COL19A1: variants seen among roughly 807,000 people sequenced by gnomAD.
The protein encoded by COL19A1 is collagen alpha-1(XIX) chain.
In COL19A1, 159 loss-of-function variants were observed where a neutral mutation model predicts 190.2. The ratio of observed to expected loss-of-function variants is 0.84; its 90% CI spans 0.73 to 0.95. COL19A1 has a LOEUF of 0.95. Ranked by LOEUF, COL19A1 falls within the 40% of genes least tolerant of loss-of-function variation. COL19A1 has a pLI of 0.00. For synonymous variants in COL19A1, 509 were observed against 458.9 expected, an observed-to-expected ratio of 1.11 and a Z score of -1.39; for missense variants, 1,418 against 1,431.9, an observed-to-expected ratio of 0.99 and a Z score of 0.16.
intron 19 of COL19A1, among the ~76,000 whole-genome samples, 191 bp from the exon 20 acceptor site, chr6:70,140,763 A>G (rs1243103037): frequency 6.6e-6 from 1 of 152,144 alleles, no homozygotes; most frequent in Non-Finnish European, 1.5e-5. Flanking sequence ...TTGGGAATAT[A>G]AAGGAGTTTT....
chr6:70,075,317 C>T (rs1024919882), intron 15 of COL19A1, among the ~76,000 whole-genome samples: 1 of 152,162 alleles, frequency 6.6e-6, no homozygotes, highest in African/African-American at 2.4e-5. Context: ...AGCAAATCTG[C>T]ATTTATCCCT....
At chr6:69,884,522 G>A (rs2502562) in intron 2 of COL19A1, among the ~76,000 whole-genome samples, 15,709 of 152,106 alleles carry the variant, frequency 0.1, 882 homozygotes, top group Middle Eastern at 0.14. Context: ...TAAAACTGAG[G>A]GTGGGAGCAT....
intron 16 of COL19A1, among the ~76,000 whole-genome samples, chr6:70,110,681 G>A (rs765009456): frequency 9.9e-5 from 15 of 152,072 alleles, no homozygotes; most frequent in Non-Finnish European, 1.8e-4. Context: ...TGGCTCTCAG[G>A]TTTTATTTTC....
At chr6:69,928,068 C>T in intron 5 of COL19A1, 36 bp downstream of exon 5, 2 of 1,595,288 alleles carry the variant, frequency 1.3e-6, no homozygotes, top group African/African-American at 1.3e-5. Flanking sequence ...ATTAGTTTTC[C>T]TTGTGTAATT....
At chr6:69,986,252 T>TCC (rs1776311687) in intron 11 of COL19A1, among the ~76,000 whole-genome samples, 1 of 114,668 alleles carries the variant, frequency 8.7e-6, no homozygotes, top group African/African-American at 3.8e-5. Flanking sequence ...TATATATATA[T>TCC]ACACACACAC....
intron 11 of COL19A1, among the ~76,000 whole-genome samples, chr6:70,017,424 A>T (rs1369711627): frequency 6.6e-6 from 1 of 152,114 alleles, no homozygotes; most frequent in Non-Finnish European, 1.5e-5. Context: ...AGACCTATAT[A>T]AATTTACTAA....
chr6:69,918,921 T>C (rs1490774529), intron 4 of COL19A1, among the ~76,000 whole-genome samples: 4 of 152,164 alleles, frequency 2.6e-5, no homozygotes, highest in Non-Finnish European at 4.4e-5. Context: ...ATTTCAGTTA[T>C]TTAATTACAA....
chr6:69,939,256 C>A lies in COL19A1; in HGVS notation c.936+1156C>A, dbSNP rs1030830143. ...AAAATTCAAAATAATTGAACAATAT[C>A]TGATTCTAAAGACCACTTCAATCAA... On this transcript the variant is annotated intron_variant, in intron 9 of 50. Transcript: ENST00000620364. 2.0e-5 allele frequency among the ~76,000 whole-genome samples: 3 copies of A among 152,098 alleles called. No individual in the cohort carries two copies. In the East Asian group the frequency reaches 5.8e-4, roughly 29 times the overall value.
At chr6:69,998,519 A>G (rs1206326793) in intron 11 of COL19A1, among the ~76,000 whole-genome samples, 1 of 151,606 alleles carries the variant, frequency 6.6e-6, no homozygotes, top group South Asian at 2.1e-4. Flanking sequence ...GATGGTGCAT[A>G]CCTGTAATCC....
In COL19A1 at chr6:70,110,183, C is replaced by T. The variant is rs192226823; in HGVS notation, c.1278+7961C>T. ...ATTTGATCACTTGTTAAAATACCCTCAGAATACCTTGAATGTGACTACATG... is the reference window on the plus strand; with the variant it reads ...ATTTGATCACTTGTTAAAATACCCTTAGAATACCTTGAATGTGACTACATG... On this transcript the variant is annotated intron_variant, in intron 16 of 50. Transcript: ENST00000620364. 7.0e-3 allele frequency among the ~76,000 whole-genome samples: 1,073 copies of T among 152,282 alleles called. 10 individuals are homozygous for T. The highest frequency in any genetic ancestry group is 8.7e-3 in the Non-Finnish European group (593 of 68,008).
chr6:69,898,946 A>G lies in COL19A1; in HGVS notation c.92-2A>G. The stretch of plus-strand genomic sequence containing the variant: ...CTCTATGCTTTTTTTCTTTTTAAAT[A>G]GAAGAGTCATGCCCTATCCTGAGAA... On this transcript the variant is annotated splice_acceptor_variant, in intron 2 of 50. Transcript: ENST00000620364. LOFTEE classifies it high-confidence loss of function. 2 of 1,592,662 alleles carry G rather than the reference A, an allele frequency of 1.3e-6. No individual in the cohort carries two copies. The highest frequency in any genetic ancestry group is 1.7e-6 in the Non-Finnish European group (2 of 1,163,918).
intron 4 of COL19A1, among the ~76,000 whole-genome samples, 181 bp downstream of exon 4, chr6:69,900,519 G>A (rs1042631320): frequency 2.6e-5 from 4 of 151,990 alleles, no homozygotes; most frequent in African/African-American, 9.7e-5. Flanking sequence ...TCTAATCTTG[G>A]CTCTACAGTG....
At position 69,929,506 on chromosome 6, in the gene COL19A1, T is replaced by G; in HGVS notation, c.472T>G (p.Phe158Val). The G allele has an allele frequency of 6.2e-7, 1 of 1,614,074 alleles. No individual in the cohort carries two copies. Among genetic ancestry groups the G allele is most frequent in the Non-Finnish European group, 8.5e-7 (1 of 1,179,978 alleles). Residue 158 changes from phenylalanine to valine, a missense_variant, in exon 6 of 51, where the codon TTT becomes GTT. By Grantham distance (50) the Phe-to-Val change is conservative. Transcript: ENST00000620364. Reference sequence around the variant, plus strand: ...AGAGGGAGATGTGTTGAACTACATTTTTAGAAATCGAGAACTCCGTCCTTT... The same window carrying G: ...AGAGGGAGATGTGTTGAACTACATTGTTAGAAATCGAGAACTCCGTCCTTT... ...ATEGDVLNYI[F>V]RNRELRPLFD...
intron 49 of COL19A1, among the ~76,000 whole-genome samples, chr6:70,200,548 C>T (rs1463526117): frequency 1.3e-5 from 2 of 152,076 alleles, no homozygotes; most frequent in Admixed American, 6.5e-5. Flanking sequence ...ATCTCAGGTT[C>T]CTTCCTTGAA....
At chr6:69,986,221 T>TTA (rs57648174) in intron 11 of COL19A1, among the ~76,000 whole-genome samples, 5,442 of 138,078 alleles carry the variant, frequency 0.039, 100 homozygotes, top group Non-Finnish European at 0.054. Flanking sequence ...CTTACACGTT[T>TTA]TATATATATA....
At chr6:69,882,055 G>C (rs1768595120) in intron 2 of COL19A1, among the ~76,000 whole-genome samples, 1 of 152,136 alleles carries the variant, frequency 6.6e-6, no homozygotes, top group Non-Finnish European at 1.5e-5. Flanking sequence ...ACAAATCTGA[G>C]AGAGAGTCTA....
intron 1 of COL19A1, among the ~76,000 whole-genome samples, chr6:69,874,628 G>A (rs889946591): frequency 6.6e-5 from 10 of 152,148 alleles, no homozygotes; most frequent in African/African-American, 2.4e-4. Flanking sequence ...GTGGGTGCCT[G>A]TAGTCCCAGC....
chr6:70,032,626 G>A (rs1387159683), intron 12 of COL19A1, among the ~76,000 whole-genome samples: 1 of 151,976 alleles, frequency 6.6e-6, no homozygotes, highest in Non-Finnish European at 1.5e-5. Context: ...TTATTAGTGA[G>A]ATATTTTACA....
chr6:70,075,145 G>A (rs1781809251), intron 15 of COL19A1, among the ~76,000 whole-genome samples: 2 of 152,048 alleles, frequency 1.3e-5, no homozygotes, highest in African/African-American at 2.4e-5. Context: ...GGATTATCTT[G>A]GGAGTTTGCA....
Sources: gnomAD v4.1 joint callset for allele counts (sites outside exome capture counted in the v4.1 genomes callset) on GRCh38, gnomAD v4.1.1 for gene constraint, MANE v1.5 for transcripts, NCBI Gene and HGNC (gene_info 2026-07-23, HGNC 2026-07-21) for gene names.